ATAD1: variants seen among roughly 807,000 people sequenced by gnomAD.
ATAD1 encodes the protein outer mitochondrial transmembrane helix translocase.
In ATAD1, 18 loss-of-function variants were observed where a neutral mutation model predicts 42.7. The observed-to-expected ratio is 0.42, with a 90% CI of 0.29 to 0.63. The LOEUF is 0.63. Ranked by LOEUF, ATAD1 falls within the 20% of genes least tolerant of loss-of-function variation. ATAD1 has a pLI of 0.19. For synonymous variants in ATAD1, 132 were observed against 143.1 expected, an observed-to-expected ratio of 0.92 and a Z score of 0.55; for missense variants, 294 against 440.4, an observed-to-expected ratio of 0.67 and a Z score of 2.98.
intron 6 of ATAD1, among the ~76,000 whole-genome samples, chr10:87,773,366 C>A (rs1295145948): frequency 2.0e-5 from 3 of 152,108 alleles, no homozygotes; most frequent in Non-Finnish European, 1.5e-5. Context: ...TTTCATTGAG[C>A]CGTTCTCTAT....
chr10:87,831,895 T>C (rs1445229125), intron 1 of ATAD1, among the ~76,000 whole-genome samples: 2 of 152,102 alleles, frequency 1.3e-5, no homozygotes, highest in African/African-American at 4.8e-5. Flanking sequence ...AAACCTGTAG[T>C]AAGTACTATA....
rs1217065331 is a variant in ATAD1 at position 87,752,933 on chromosome 10, G to C, written c.*1754C>G. 1 of 152,102 alleles carries C rather than the reference G, an allele frequency of 6.6e-6. No homozygotes were observed. The highest frequency in any genetic ancestry group is 2.4e-5 in the African/African-American group (1 of 41,426). 9.4% of individuals were successfully genotyped at this position (152,102 alleles called of 1,614,324 possible). ...CTTATTTTCGATTAATATGTCACCA[G>C]ATTAAAATTAAATTACTGAAATTCA... On this transcript the variant is annotated 3_prime_UTR_variant, in exon 10 of 10. Transcript: ENST00000680024.
chr10:87,839,686 A>G (rs1358909395), intron 1 of ATAD1, among the ~76,000 whole-genome samples: 1 of 152,020 alleles, frequency 6.6e-6, no homozygotes, highest in Non-Finnish European at 1.5e-5. Context: ...CTTTCCACCA[A>G]ATGGGCTTCT....
intron 5 of ATAD1, among the ~76,000 whole-genome samples, chr10:87,782,849 T>G (rs1855634071): frequency 6.6e-6 from 1 of 152,054 alleles, no homozygotes; most frequent in African/African-American, 2.4e-5. Flanking sequence ...AATTAAAACA[T>G]TAGCAGGGCA....
Position 87,756,827 on chromosome 10 carries a change from G to C in ATAD1, c.927C>G (p.Leu309=). Residue 309 remains leucine, a synonymous_variant, in exon 9 of 10, where the codon CTC becomes CTG. Coordinates refer to ENST00000680024, the MANE Select transcript of ATAD1 (RefSeq NM_001321967.2). The part of the protein sequence containing the change: ...LKEMCRDAAL[L]CVREYVNSTS... Reference sequence around the variant, plus strand: ...TAGAATTAACATATTCTCTAACACAGAGGAGGGCAGCATCTCGACACATCT... The same window carrying C: ...TAGAATTAACATATTCTCTAACACACAGGAGGGCAGCATCTCGACACATCT... 1 of 1,612,102 alleles carries C rather than the reference G, an allele frequency of 6.2e-7. No homozygotes were observed. Among genetic ancestry groups the C allele is most frequent in the East Asian group, 2.2e-5 (1 of 44,764 alleles).
Position 87,754,044 on chromosome 10 carries a change from T to C in ATAD1, c.*643A>G, listed in dbSNP as rs1240990793. On this transcript the variant is annotated 3_prime_UTR_variant, in exon 10 of 10. Transcript: ENST00000680024. ...CTGACAAACATAATAATTGAGCCCA[T>C]GTATATATGCAAGATGTGGAGGATC... The C allele has an allele frequency of 1.3e-5, 2 of 152,478 alleles. No homozygotes were observed. Among genetic ancestry groups the C allele is most frequent in the South Asian group, 2.1e-4 (1 of 4,824 alleles). 9.4% of individuals were successfully genotyped at this position (152,478 alleles called of 1,614,324 possible).
chr10:87,808,997 T>G (rs1480345500), intron 2 of ATAD1, among the ~76,000 whole-genome samples: 1 of 152,238 alleles, frequency 6.6e-6, no homozygotes, highest in Non-Finnish European at 1.5e-5. Flanking sequence ...CTGGCAGAAT[T>G]TGCTATAAAG....
At chr10:87,817,196 A>G (rs1444593249) in intron 1 of ATAD1, among the ~76,000 whole-genome samples, 1 of 152,264 alleles carries the variant, frequency 6.6e-6, no homozygotes, top group Non-Finnish European at 1.5e-5. Flanking sequence ...ACACTCATGT[A>G]TCATTCATTT....
intron 8 of ATAD1, among the ~76,000 whole-genome samples, chr10:87,762,600 G>T (rs1390787141): frequency 6.6e-6 from 1 of 151,702 alleles, no homozygotes; most frequent in Non-Finnish European, 1.5e-5. Context: ...AAGTAGCCAG[G>T]ATTACGGTTG....
chr10:87,755,118 A>G (rs748337429), intron 9 of ATAD1, among the ~76,000 whole-genome samples: 2 of 152,248 alleles, frequency 1.3e-5, no homozygotes, highest in Non-Finnish European at 2.9e-5. Flanking sequence ...TAAGTACACA[A>G]TATTACCATA....
At chr10:87,794,232 A>C (rs1201963174) in intron 2 of ATAD1, among the ~76,000 whole-genome samples, 1 of 152,174 alleles carries the variant, frequency 6.6e-6, no homozygotes, top group Non-Finnish European at 1.5e-5. Flanking sequence ...GAATTTTTAA[A>C]AAGTGCTATG....
chr10:87,788,682 A>C (rs935758875), intron 4 of ATAD1, among the ~76,000 whole-genome samples: 4 of 152,228 alleles, frequency 2.6e-5, no homozygotes, highest in African/African-American at 9.6e-5. Context: ...ATAAAAAAAG[A>C]AGCTTTCTCC....
rs1015609054 is a variant in ATAD1 at position 87,754,529 on chromosome 10, T to C, written c.*158A>G. 2.4e-6 allele frequency: 2 copies of C among 839,336 alleles called. No homozygotes were observed. Among genetic ancestry groups the C allele is most frequent in the East Asian group, 3.0e-5 (1 of 33,776 alleles). 52.0% of individuals were successfully genotyped at this position (839,336 alleles called of 1,614,324 possible). ...TTTTGACCAACAGTAATACCACCTA[T>C]GTAACAACTATATCTCAATAACTTA... On this transcript the variant is annotated 3_prime_UTR_variant, in exon 10 of 10. Transcript: ENST00000680024.
intron 8 of ATAD1, chr10:87,759,840 C>G (rs1854400452): frequency 2.3e-6 from 1 of 441,062 alleles, no homozygotes; most frequent in Non-Finnish European, 4.6e-6. Flanking sequence ...TTAAATAAAA[C>G]AATGTATAGC....
upstream of ATAD1, among the ~76,000 whole-genome samples, chr10:87,822,295 C>G (rs181800269): frequency 3.4e-4 from 51 of 152,182 alleles, 2 homozygotes; most frequent in East Asian, 7.7e-3. Context: ...TAAATCATGT[C>G]TTCTGAATCA....
chr10:87,805,117 G>A (rs1003705629), intron 2 of ATAD1, among the ~76,000 whole-genome samples: 1 of 152,032 alleles, frequency 6.6e-6, no homozygotes, highest in South Asian at 2.1e-4. Flanking sequence ...CTGATTATCT[G>A]GTATACTCAA....
At chr10:87,775,514 TAA>T (rs5786793) in intron 6 of ATAD1, among the ~76,000 whole-genome samples, 33,763 of 110,080 alleles carry the variant, frequency 0.31, 5,018 homozygotes, top group African/African-American at 0.35. Context: ...AGTGATTCAT[TAA>T]AAAAAAAAAA....
chr10:87,790,582 G>A (rs997777130), intron 3 of ATAD1, 152 bp from the exon 4 acceptor site: 1 of 812,998 alleles, frequency 1.2e-6, no homozygotes, highest in Admixed American at 3.9e-5. Context: ...TTTCCAAGCA[G>A]TAATGAAATA....
At chr10:87,790,913 G>C (rs900634067) in intron 3 of ATAD1, among the ~76,000 whole-genome samples, 4 of 151,622 alleles carry the variant, frequency 2.6e-5, no homozygotes, top group Non-Finnish European at 4.4e-5. Context: ...GACCAGGCGT[G>C]GTCGCTCACG....
Sources: allele counts gnomAD v4.1 joint callset (sites outside exome capture counted in the v4.1 genomes callset), GRCh38; gene constraint gnomAD v4.1.1; transcripts MANE v1.5; gene names NCBI Gene and HGNC (gene_info 2026-07-23, HGNC 2026-07-21).